Variants in DSCAM observed in about 807,000 individuals in gnomAD.
DSCAM encodes the protein cell adhesion molecule DSCAM.
Under a neutral mutation model 217.7 loss-of-function variants are expected in DSCAM, and 47 were observed. The ratio of observed to expected loss-of-function variants is 0.22; its 90% CI spans 0.17 to 0.28. The LOEUF (loss-of-function observed/expected upper bound fraction) is 0.28, where lower values mean the gene tolerates loss of function less well. Ranked by LOEUF, DSCAM falls within the 10% of genes least tolerant of loss-of-function variation. The probability of loss-of-function intolerance (pLI) is 1.00; values close to 1 mark genes in which losing one functional copy is unlikely to be tolerated. For synonymous variants in DSCAM, 1,056 were observed against 1,015.3 expected, an observed-to-expected ratio of 1.04 and a Z score of -0.76; for missense variants, 2,080 against 2,618.3, an observed-to-expected ratio of 0.79 and a Z score of 4.49.
At chr21:40,090,121 C>T (rs1324694077) in intron 21 of DSCAM, among the ~76,000 whole-genome samples, 5 of 152,196 alleles carry the variant, frequency 3.3e-5, no homozygotes, top group Non-Finnish European at 5.9e-5. Flanking sequence ...GCCACCAAAT[C>T]TGTGAACCTA....
Position 40,609,489 on chromosome 21 carries a change from T to A in DSCAM, c.508+83321A>T, listed in dbSNP as rs912789393. On this transcript the variant is annotated intron_variant, in intron 3 of 32. Transcript: ENST00000400454. Reference sequence around the variant, plus strand: ...CTCCTTTGCCTGGCTTTCTGTGCAATGATACCTGGGCTAGGGTTATTTATG... The same window carrying A: ...CTCCTTTGCCTGGCTTTCTGTGCAAAGATACCTGGGCTAGGGTTATTTATG... 7.2e-5 allele frequency among the ~76,000 whole-genome samples: 11 copies of A among 152,224 alleles called. No individual in the cohort carries two copies. In the East Asian group the frequency reaches 1.9e-3, roughly 27 times the overall value.
At position 40,847,080 on chromosome 21, in the gene DSCAM, CA is replaced by C. The variant is rs2092152927; in HGVS notation, c.-420del. The C allele has an allele frequency of 6.6e-6, 1 of 152,350 alleles. No homozygotes were observed. Among genetic ancestry groups the C allele is most frequent in the African/African-American group, 2.4e-5 (1 of 41,454 alleles). 9.4% of individuals were successfully genotyped at this position (152,350 alleles called of 1,614,324 possible). A position where few individuals can be genotyped will look rare whatever the true frequency, so the allele number is the denominator to read the frequency against. On this transcript the variant is annotated 5_prime_UTR_variant, in exon 1 of 33. An upstream open reading frame in the 5' UTR loses its in-frame stop. Coordinates refer to ENST00000400454, the MANE Select transcript of DSCAM (RefSeq NM_001389.5). ...CGCATCCAGGCAGCAGGCGGGCGGG[CA>C]GGCTCATCTTTGCCGTGCTCCGGCC... is the stretch of plus-strand genomic sequence containing the variant.
chr21:40,182,063 A>C (rs2146809242), intron 14 of DSCAM, among the ~76,000 whole-genome samples: 1 of 152,252 alleles, frequency 6.6e-6, no homozygotes, highest in Non-Finnish European at 1.5e-5. Flanking sequence ...GATACCCCAA[A>C]TCCAGTGGAT....
chr21:40,360,640 G>T (rs2123673341), intron 4 of DSCAM, among the ~76,000 whole-genome samples: 1 of 152,222 alleles, frequency 6.6e-6, no homozygotes, highest in Non-Finnish European at 1.5e-5. Flanking sequence ...CAAAGAATGA[G>T]ATTTCATTCT....
At chr21:40,665,093 G>C (rs370698223) in intron 3 of DSCAM, among the ~76,000 whole-genome samples, 14 of 152,270 alleles carry the variant, frequency 9.2e-5, no homozygotes, top group African/African-American at 2.6e-4. Context: ...TTGGTGCCAG[G>C]CTTTTACAGC....
chr21:40,815,829 G>C (rs767034018), intron 1 of DSCAM, among the ~76,000 whole-genome samples: 2 of 152,174 alleles, frequency 1.3e-5, no homozygotes, highest in Non-Finnish European at 2.9e-5. Context: ...CTGTGATTCA[G>C]TTTGCTCATC....
chr21:40,320,706 A>G (rs958330916), intron 8 of DSCAM, among the ~76,000 whole-genome samples: 2 of 152,236 alleles, frequency 1.3e-5, no homozygotes, highest in Non-Finnish European at 2.9e-5. Context: ...AATGAGGAAG[A>G]CGCAAAAGCG....
chr21:40,553,152 T>C (rs2076643983), intron 3 of DSCAM, among the ~76,000 whole-genome samples: 1 of 152,246 alleles, frequency 6.6e-6, no homozygotes, highest in African/African-American at 2.4e-5. Flanking sequence ...TATTGGTGGA[T>C]TTTAAAAATA....
chr21:40,466,810 G>A (rs1333154422), intron 3 of DSCAM, among the ~76,000 whole-genome samples: 2 of 152,122 alleles, frequency 1.3e-5, no homozygotes, highest in East Asian at 3.9e-4. Flanking sequence ...AGTGGACAAG[G>A]TTCCAATGAT....
chr21:40,431,622 A>G (rs2075533266), intron 3 of DSCAM, among the ~76,000 whole-genome samples: 1 of 152,204 alleles, frequency 6.6e-6, no homozygotes, highest in Non-Finnish European at 1.5e-5. Flanking sequence ...TTTCTGAATA[A>G]TGTGTTCATT....
chr21:40,807,394 A>G (rs2091797559), intron 1 of DSCAM, among the ~76,000 whole-genome samples: 1 of 151,690 alleles, frequency 6.6e-6, no homozygotes, highest in African/African-American at 2.4e-5. Context: ...TGGACTTTTG[A>G]TTACCCCTTA....
intron 3 of DSCAM, among the ~76,000 whole-genome samples, chr21:40,567,932 G>GT (rs1266535640): frequency 3.3e-5 from 5 of 151,484 alleles, no homozygotes; most frequent in Admixed American, 2.0e-4. Flanking sequence ...TTGATCTAGT[G>GT]TTTTTTTGTT....
intron 1 of DSCAM, among the ~76,000 whole-genome samples, chr21:40,715,640 A>G (rs548812649): frequency 6.6e-6 from 1 of 152,340 alleles, no homozygotes; most frequent in South Asian, 2.1e-4. Context: ...AGCATAGTTA[A>G]TAGTTCAACA....
At chr21:40,351,654 TAGA>T (rs1358847586) in intron 5 of DSCAM, among the ~76,000 whole-genome samples, 3 of 152,168 alleles carry the variant, frequency 2.0e-5, no homozygotes, top group African/African-American at 7.2e-5. Flanking sequence ...CTTCTGCAGT[TAGA>T]AGAAGCAGTC....
chr21:40,415,618 A>G (rs4386409), intron 3 of DSCAM, among the ~76,000 whole-genome samples: 1,630 of 152,338 alleles, frequency 0.011, 28 homozygotes, highest in African/African-American at 0.036. Context: ...TGGACAGGGA[A>G]GTTGCCCTGG....
intron 3 of DSCAM, among the ~76,000 whole-genome samples, chr21:40,635,717 G>A (rs1051129440): frequency 6.6e-6 from 1 of 152,142 alleles, no homozygotes; most frequent in African/African-American, 2.4e-5. Context: ...TTAAAATGTG[G>A]TGTGTATTTT....
intron 3 of DSCAM, among the ~76,000 whole-genome samples, chr21:40,671,637 C>T (rs972495238): frequency 8.7e-5 from 12 of 138,234 alleles, no homozygotes; most frequent in African/African-American, 1.4e-4. Context: ...TGCAGTGAGC[C>T]GAGATTGCAC....
intron 17 of DSCAM, among the ~76,000 whole-genome samples, chr21:40,143,858 A>C (rs1438124680): frequency 6.6e-6 from 1 of 152,224 alleles, no homozygotes; most frequent in Non-Finnish European, 1.5e-5. Flanking sequence ...TCCTGCCTTC[A>C]AAGCTACCAC....
At chr21:40,824,400 T>C (rs1184867519) in intron 1 of DSCAM, among the ~76,000 whole-genome samples, 2 of 140,530 alleles carry the variant, frequency 1.4e-5, no homozygotes, top group Non-Finnish European at 3.0e-5. Flanking sequence ...ATTTTTATTA[T>C]TGATTTTTTT....
Sources: gnomAD v4.1 joint callset for allele counts (sites outside exome capture counted in the v4.1 genomes callset) on GRCh38, gnomAD v4.1.1 for gene constraint, MANE v1.5 for transcripts, NCBI Gene and HGNC (gene_info 2026-07-23, HGNC 2026-07-21) for gene names.